The following CEP135 variants were observed in gnomAD, a reference collection of about 807,000 sequenced individuals.
CEP135 encodes the protein centrosomal protein 135.
A neutral mutation model predicts 157.3 loss-of-function variants in CEP135; 142 were observed. The ratio of observed to expected loss-of-function variants is 0.90; its 90% CI spans 0.79 to 1.04. The LOEUF (loss-of-function observed/expected upper bound fraction) is 1.04, where lower values mean the gene tolerates loss of function less well. CEP135 is among the 50% of genes least tolerant of loss of function. The pLI is 0.00. For missense variants in CEP135, 1,317 were observed against 1,309.2 expected (o/e 1.01, Z -0.09); for synonymous variants, 396 against 439.8 (o/e 0.90, Z 1.25).
chr4:55,977,507 T>C (rs1173663001), intron 11 of CEP135, among the ~76,000 whole-genome samples: 2 of 152,202 alleles, frequency 1.3e-5, no homozygotes, highest in Non-Finnish European at 2.9e-5. Flanking sequence ...GGAAAGTGAC[T>C]ACAACTTCTT....
At position 56,009,823 on chromosome 4, in the gene CEP135, G is replaced by T. The variant is rs1730505966; in HGVS notation, c.2425G>T (p.Val809Leu). The T allele has an allele frequency of 1.2e-6, 2 of 1,614,138 alleles. No homozygotes were observed. Among genetic ancestry groups the T allele is most frequent in the Non-Finnish European group, 1.7e-6 (2 of 1,180,012 alleles). The change falls in exon 19 of 26, where the codon GTA becomes TTA. Residue 809 changes from valine (V) to leucine (L), a missense_variant. Physicochemically the swap from Val to Leu is conservative, Grantham distance 32 (BLOSUM62 1). Coordinates refer to ENST00000257287, the MANE Select transcript of CEP135 (RefSeq NM_025009.5). ...LDAAHKELDEVGRSREIAFKE... is the reference protein window; with the variant it reads ...LDAAHKELDELGRSREIAFKE... ...TGCAGCTCACAAAGAACTCGATGAAGTAGGAAGATCTAGAGAAATCGCTTT... is the reference window on the plus strand; with the variant it reads ...TGCAGCTCACAAAGAACTCGATGAATTAGGAAGATCTAGAGAAATCGCTTT...
chr4:56,009,192 C>T (rs568624270), intron 18 of CEP135, among the ~76,000 whole-genome samples: 3 of 152,276 alleles, frequency 2.0e-5, no homozygotes, highest in African/African-American at 4.8e-5. Flanking sequence ...GACGGAGTCT[C>T]GCTCTGTTGC....
At position 56,019,588 on chromosome 4, in the gene CEP135, A is replaced by G. The variant is rs115855705; in HGVS notation, c.3215+33A>G. ...TCTTAAGTCAACTTATGCAAAGACA[A>G]TTGCTTGTGAAGGATAGTTTTTTAA... On this transcript the variant is annotated intron_variant, in intron 23 of 25. Transcript: ENST00000257287. 1.4e-3 allele frequency: 2,216 copies of G among 1,538,554 alleles called. 19 individuals carry two copies. In the African/African-American group the frequency reaches 0.027, roughly 19 times the overall value.
In CEP135 at chr4:55,980,145, T is replaced by A; in HGVS notation, c.1476T>A (p.Gly492=). 1.2e-6 allele frequency: 2 copies of A among 1,608,308 alleles called. No individual in the cohort carries two copies. Among genetic ancestry groups the A allele is most frequent in the Non-Finnish European group, 1.7e-6 (2 of 1,177,142 alleles). Residue 492 remains glycine (G), a splice_region_variant and synonymous_variant, in exon 12 of 26, where the codon GGT becomes GGA. Coordinates refer to ENST00000257287, the MANE Select transcript of CEP135 (RefSeq NM_025009.5). ...KSSIFRTPEK[G]DYNSEIHQIT... is the part of the protein sequence containing the mutation. ...TTTGTTTTTTAATTATGTTTCAGGG[T>A]GATTACAATTCAGAAATTCATCAGA...
chr4:56,027,405 T>A (rs1395149361), intron 25 of CEP135, among the ~76,000 whole-genome samples: 1 of 152,204 alleles, frequency 6.6e-6, no homozygotes, highest in African/African-American at 2.4e-5. Flanking sequence ...GTGGCAGAGT[T>A]GAGTAGTTTT....
At chr4:56,013,429 C>G (rs1730661743) in intron 21 of CEP135, among the ~76,000 whole-genome samples, 1 of 151,808 alleles carries the variant, frequency 6.6e-6, no homozygotes, top group Non-Finnish European at 1.5e-5. Context: ...GGTGTCATAT[C>G]CAAGAAATTA....
At chr4:56,016,347 G>T (rs1354997101) in intron 21 of CEP135, among the ~76,000 whole-genome samples, 1 of 152,104 alleles carries the variant, frequency 6.6e-6, no homozygotes, top group East Asian at 1.9e-4. Flanking sequence ...GCAGCCCTAG[G>T]GAACTAATAC....
At chr4:56,024,460 G>A (rs765519204) in intron 24 of CEP135, 41 bp from the exon 25 acceptor site, 2 of 1,449,876 alleles carry the variant, frequency 1.4e-6, no homozygotes, top group Non-Finnish European at 1.9e-6. Flanking sequence ...GATTTTCCCT[G>A]GTGCTTGAAT....
chr4:56,009,081 T>C (rs116097382), intron 18 of CEP135, among the ~76,000 whole-genome samples: 311 of 152,320 alleles, frequency 2.0e-3, no homozygotes, highest in African/African-American at 7.3e-3. Context: ...AAAAAAATTT[T>C]TGTAGAAACA....
chr4:55,985,151 C>T, intron 13 of CEP135, 130 bp from the exon 14 acceptor site: 1 of 466,432 alleles, frequency 2.1e-6, no homozygotes, highest in Non-Finnish European at 3.9e-6. Context: ...GATTTTCTTT[C>T]TAAAACATTT....
At position 56,033,265 on chromosome 4, in the gene CEP135, T is replaced by G. The variant is rs1731424340; in HGVS notation, c.*1917T>G. 6.6e-6 allele frequency: 1 copy of G among 152,164 alleles called. No homozygotes were observed. The highest frequency in any genetic ancestry group is 1.5e-5 in the Non-Finnish European group (1 of 68,020). 9.4% of individuals were successfully genotyped at this position (152,164 alleles called of 1,614,324 possible). A position where few individuals can be genotyped will look rare whatever the true frequency, so the allele number is the denominator to read the frequency against. On this transcript the variant is annotated 3_prime_UTR_variant, in exon 26 of 26. Transcript: ENST00000257287. ...TTGAAAAAATTTTATCTTAAAATAC[T>G]GAATGTTCTGACCTTTTATAGATGT...
At chr4:55,969,909 G>C (rs76588387) in intron 9 of CEP135, among the ~76,000 whole-genome samples, 2,151 of 152,066 alleles carry the variant, frequency 0.014, 49 homozygotes, top group African/African-American at 0.049. Context: ...GGCTTGCCTT[G>C]TCACCTAGAC....
intron 25 of CEP135, among the ~76,000 whole-genome samples, chr4:56,028,781 C>A (rs1252419008): frequency 6.6e-6 from 1 of 152,186 alleles, no homozygotes; most frequent in East Asian, 1.9e-4. Context: ...TTCTCATACA[C>A]CACTCAGCAT....
In CEP135 at chr4:56,010,781, G is replaced by A. The variant is rs140392855; in HGVS notation, c.2506-631G>A. Among the ~76,000 whole-genome samples, 329 of 152,138 alleles carry A rather than the reference G, an allele frequency of 2.2e-3. 2 individuals are homozygous for A. The highest frequency in any genetic ancestry group is 7.5e-3 in the African/African-American group (310 of 41,482). Reference sequence around the variant, plus strand: ...GATTTTACTGTTTTAAACATCTTACGTTTTTAAAAAATTATTTTCCGTATT... The same window carrying A: ...GATTTTACTGTTTTAAACATCTTACATTTTTAAAAAATTATTTTCCGTATT... On this transcript the variant is annotated intron_variant, in intron 19 of 25. Coordinates refer to ENST00000257287, the MANE Select transcript of CEP135 (RefSeq NM_025009.5).
chr4:55,971,825 C>T (rs1729035839), intron 10 of CEP135, among the ~76,000 whole-genome samples: 1 of 152,112 alleles, frequency 6.6e-6, no homozygotes, highest in Admixed American at 6.5e-5. Flanking sequence ...CTACAGGTAC[C>T]AGTTCTAAAT....
chr4:55,956,756 G>T (rs1728517647), intron 4 of CEP135, among the ~76,000 whole-genome samples: 2 of 152,040 alleles, frequency 1.3e-5, no homozygotes, highest in Admixed American at 1.3e-4. Context: ...GATTACAGGT[G>T]CCCGTTACCA....
intron 23 of CEP135, among the ~76,000 whole-genome samples, chr4:56,019,869 G>T (rs1730915674): frequency 6.6e-6 from 1 of 152,172 alleles, no homozygotes; most frequent in African/African-American, 2.4e-5. Context: ...AACCCAGGAG[G>T]TGGAGGTTGC....
In CEP135 at chr4:56,021,763, G is replaced by A. The variant is rs183786643; in HGVS notation, c.3320+983G>A. Among the ~76,000 whole-genome samples the A allele has an allele frequency of 1.7e-3, 261 of 152,314 alleles. 1 individual carries two copies. Among genetic ancestry groups the A allele is most frequent in the Admixed American group, 5.6e-3 (86 of 15,292 alleles). On this transcript the variant is annotated intron_variant, in intron 24 of 25. Transcript: ENST00000257287. The stretch of plus-strand genomic sequence containing the variant: ...ATAAAGGCCTGGCTTGGTGGCTCAT[G>A]CCTGCAATCCCAGCACTTTGGGAGG...
At chr4:55,957,097 A>G in intron 4 of CEP135, 126 bp from the exon 5 acceptor site, 1 of 953,092 alleles carries the variant, frequency 1.0e-6, no homozygotes, top group Non-Finnish European at 1.6e-6. Flanking sequence ...TGATGGAGAA[A>G]ATATTTTGTC....
Sources: allele counts gnomAD v4.1 joint callset (sites outside exome capture counted in the v4.1 genomes callset), GRCh38; gene constraint gnomAD v4.1.1; transcripts MANE v1.5; gene names NCBI Gene and HGNC (gene_info 2026-07-23, HGNC 2026-07-21).